Variants in ZDHHC20 observed in about 807,000 individuals in gnomAD.
ZDHHC20 encodes zDHHC palmitoyltransferase 20, also known as palmitoyltransferase ZDHHC20.
ZDHHC20 carries 43 observed loss-of-function variants against 57.8 expected under a neutral mutation model. The ratio of observed to expected loss-of-function variants is 0.74; its 90% CI spans 0.58 to 0.96. ZDHHC20 has a LOEUF of 0.96. ZDHHC20 is among the 40% of genes least tolerant of loss of function. The probability of loss-of-function intolerance (pLI) is 0.00; values close to 1 mark genes in which losing one functional copy is unlikely to be tolerated. For missense variants in ZDHHC20, 391 were observed against 441.1 expected (o/e 0.89, Z 1.02); for synonymous variants, 157 against 153.0 (o/e 1.03, Z -0.19).
intron 1 of ZDHHC20, 55 bp from the exon 2 acceptor site, chr13:21,425,733 G>T: frequency 2.0e-6 from 2 of 977,550 alleles, no homozygotes; most frequent in East Asian, 4.2e-5. Context: ...TTGTATGTAA[G>T]TTTTATTTCA....
At chr13:21,435,391 G>C (rs1042241737) in intron 1 of ZDHHC20, among the ~76,000 whole-genome samples, 2 of 151,912 alleles carry the variant, frequency 1.3e-5, no homozygotes, top group Non-Finnish European at 2.9e-5. Flanking sequence ...CCAGGGGCAG[G>C]AAAAGTATCA....
At chr13:21,435,441 T>TA (rs906413225) in intron 1 of ZDHHC20, among the ~76,000 whole-genome samples, 1 of 152,036 alleles carries the variant, frequency 6.6e-6, no homozygotes, top group African/African-American at 2.4e-5. Context: ...AAGGAAGTAC[T>TA]AAAAAAACAA....
intron 4 of ZDHHC20, among the ~76,000 whole-genome samples, chr13:21,403,444 T>C (rs1338552250): frequency 6.6e-6 from 1 of 152,224 alleles, no homozygotes; most frequent in Non-Finnish European, 1.5e-5. Context: ...TTAAAATGTA[T>C]GGAACACCTG....
intron 6 of ZDHHC20, 60 bp downstream of exon 6, chr13:21,401,593 A>T (rs1877631508): frequency 6.8e-7 from 1 of 1,476,154 alleles, no homozygotes; most frequent in Non-Finnish European, 9.1e-7. Context: ...GGAATACTGA[A>T]GTTACTCTAA....
intron 9 of ZDHHC20, 114 bp downstream of exon 9, chr13:21,387,394 A>G (rs1427597846): frequency 1.2e-6 from 1 of 836,874 alleles, no homozygotes; most frequent in African/African-American, 1.8e-5. Flanking sequence ...TTTCATTCTC[A>G]AAGTCTGTGA....
At position 21,400,595 on chromosome 13, in the gene ZDHHC20, G is replaced by A. The variant is rs747530589; in HGVS notation, c.474-102C>T. Reference sequence around the variant, plus strand: ...CTGCCAGGGGCTGGTGTGGTGTGGGGAAGGGGAGCTTTTTAATGCGAATAA... The same window carrying A: ...CTGCCAGGGGCTGGTGTGGTGTGGGAAAGGGGAGCTTTTTAATGCGAATAA... On this transcript the variant is annotated intron_variant, in intron 6 of 12. Transcript: ENST00000400590. The A allele has an allele frequency of 3.9e-4, 470 of 1,202,740 alleles. No individual in the cohort carries two copies. In the Middle Eastern group the frequency reaches 4.7e-3, roughly 12 times the overall value. 74.5% of individuals were successfully genotyped at this position (1,202,740 alleles called of 1,614,324 possible).
intron 1 of ZDHHC20, among the ~76,000 whole-genome samples, chr13:21,437,973 G>A (rs941569650): frequency 5.3e-5 from 8 of 152,222 alleles, no homozygotes; most frequent in African/African-American, 1.9e-4. Context: ...TTACAGGCGT[G>A]AGCCACCGCA....
At chr13:21,411,450 A>T (rs906829215) in intron 4 of ZDHHC20, among the ~76,000 whole-genome samples, 9 of 152,226 alleles carry the variant, frequency 5.9e-5, no homozygotes, top group African/African-American at 2.2e-4. Context: ...TTCCTAGTTC[A>T]ATCTCTCCAT....
chr13:21,434,567 T>C (rs540127853), intron 1 of ZDHHC20, among the ~76,000 whole-genome samples: 57 of 152,358 alleles, frequency 3.7e-4, no homozygotes, highest in Non-Finnish European at 5.6e-4. Context: ...CTGAAGCTCA[T>C]TGTCATTCTC....
At chr13:21,436,405 T>C (rs1384667205) in intron 1 of ZDHHC20, among the ~76,000 whole-genome samples, 1 of 152,246 alleles carries the variant, frequency 6.6e-6, no homozygotes, top group Non-Finnish European at 1.5e-5. Context: ...TAAGCAAGTC[T>C]ATCTGTGCTA....
chr13:21,409,539 A>C (rs147593514), intron 4 of ZDHHC20, among the ~76,000 whole-genome samples: 1 of 151,416 alleles, frequency 6.6e-6, no homozygotes, highest in Admixed American at 6.6e-5. Context: ...TATTTTGTTA[A>C]TCTTTTTTAA....
chr13:21,432,390 C>T lies in ZDHHC20; in HGVS notation c.119-6712G>A, dbSNP rs943009164. ...TGTAGCCCAGGCTGGTGTGCAGTGG[C>T]GTGATCTCGGCTCACTACAAGCTCT... On this transcript the variant is annotated intron_variant, in intron 1 of 12. Coordinates refer to ENST00000400590, the MANE Select transcript of ZDHHC20 (RefSeq NM_001330059.2). Among the ~76,000 whole-genome samples, 17 of 150,734 alleles carry T rather than the reference C, an allele frequency of 1.1e-4. No homozygotes were observed. The East Asian group carries it at 1.2e-3, about 10-fold the overall frequency.
At chr13:21,395,071 T>A (rs1174132997) in intron 7 of ZDHHC20, among the ~76,000 whole-genome samples, 1 of 1,776 alleles carries the variant, frequency 5.6e-4, no homozygotes, top group East Asian at 0.5. Context: ...AATTCTTTCT[T>A]TTTTTTTTTT....
rs150594479 is a variant in ZDHHC20 at position 21,404,214 on chromosome 13, C to T, written c.371-1348G>A. 9.6e-3 allele frequency: 4,278 copies of T among 444,952 alleles called. 32 individuals are homozygous for T. Among genetic ancestry groups the T allele is most frequent in the Non-Finnish European group, 0.014 (3,167 of 221,226 alleles). 27.6% of individuals were successfully genotyped at this position (444,952 alleles called of 1,614,324 possible). ...TACAGAATACATTTATGACTGGGTGCGGTGGCTCACTTGGAAATAACCAAT... is the reference window on the plus strand; with the variant it reads ...TACAGAATACATTTATGACTGGGTGTGGTGGCTCACTTGGAAATAACCAAT... On this transcript the variant is annotated intron_variant, in intron 4 of 12. Coordinates refer to ENST00000400590, the MANE Select transcript of ZDHHC20 (RefSeq NM_001330059.2).
intron 11 of ZDHHC20, among the ~76,000 whole-genome samples, chr13:21,380,335 C>CT (rs1335466259): frequency 6.6e-6 from 1 of 151,410 alleles, no homozygotes; most frequent in Non-Finnish European, 1.5e-5. Flanking sequence ...AAGCTGGTCT[C>CT]TAACACTTGA....
At chr13:21,416,400 C>T (rs116201406) in intron 3 of ZDHHC20, among the ~76,000 whole-genome samples, 641 of 152,138 alleles carry the variant, frequency 4.2e-3, no homozygotes, top group African/African-American at 0.015. Context: ...CTATGAAATG[C>T]TATTATTGTC....
intron 9 of ZDHHC20, among the ~76,000 whole-genome samples, chr13:21,387,268 TTA>T (rs767896727): frequency 1.3e-5 from 2 of 152,160 alleles, no homozygotes; most frequent in Non-Finnish European, 2.9e-5. Flanking sequence ...TCTTATTTTT[TTA>T]GTGAATCATC....
intron 1 of ZDHHC20, among the ~76,000 whole-genome samples, chr13:21,441,628 C>A (rs1271429148): frequency 7.4e-6 from 1 of 135,784 alleles, no homozygotes; most frequent in African/African-American, 2.8e-5. Flanking sequence ...TGGTCTTGAT[C>A]TCCTGACCTC....
intron 1 of ZDHHC20, among the ~76,000 whole-genome samples, chr13:21,447,046 T>C (rs1396319417): frequency 6.6e-6 from 1 of 152,016 alleles, no homozygotes; most frequent in Non-Finnish European, 1.5e-5. Flanking sequence ...AAAAGACCAT[T>C]CTGACTGCTT....
Sources: allele counts gnomAD v4.1 joint callset (sites outside exome capture counted in the v4.1 genomes callset), GRCh38; gene constraint gnomAD v4.1.1; transcripts MANE v1.5; gene names NCBI Gene and HGNC (gene_info 2026-07-23, HGNC 2026-07-21).